UTP14A: variants seen among roughly 807,000 people sequenced by gnomAD.
UTP14A encodes the protein UTP14A small subunit processome component, also known as U3 small nucleolar RNA-associated protein 14 homolog A.
UTP14A carries 5 observed loss-of-function variants against 57.2 expected under a neutral mutation model. That is an observed-to-expected ratio of 0.09 (90% CI 0.05 to 0.18). UTP14A has a LOEUF of 0.18. Ranked by LOEUF, UTP14A falls within the 10% of genes least tolerant of loss-of-function variation. The probability of loss-of-function intolerance (pLI) is 1.00; values close to 1 mark genes in which losing one functional copy is unlikely to be tolerated. For synonymous variants in UTP14A, 169 were observed against 210.9 expected (o/e 0.80, Z 1.72); for missense variants, 430 against 562.1 (o/e 0.76, Z 2.38).
At chrX:129,928,537 C>T (rs998270424) in intron 14 of UTP14A, among the ~76,000 whole-genome samples, 1 of 110,008 alleles carries the variant, frequency 9.1e-6, no homozygotes, top group African/African-American at 3.3e-5. Flanking sequence ...GGGTGGATCA[C>T]GAGGTCAGGA....
chrX:129,928,676 C>T (rs962520139), intron 14 of UTP14A, among the ~76,000 whole-genome samples: 1 of 111,274 alleles, frequency 9.0e-6, no homozygotes, highest in African/African-American at 3.3e-5. Flanking sequence ...ATGGCGTGAA[C>T]CCAGGAGGCA....
intron 1 of UTP14A, among the ~76,000 whole-genome samples, chrX:129,906,569 G>A (rs952208326): frequency 9.0e-6 from 1 of 110,642 alleles, no homozygotes; most frequent in Admixed American, 9.7e-5. Context: ...AGGCAGTGCA[G>A]GCGTTATAAA....
At chrX:129,916,826 T>G (rs1307188737) in intron 6 of UTP14A, among the ~76,000 whole-genome samples, 1 of 111,732 alleles carries the variant, frequency 8.9e-6, no homozygotes, top group Admixed American at 9.6e-5. Context: ...GTGTCTGTGT[T>G]TTTTGCTTAT....
intron 14 of UTP14A, among the ~76,000 whole-genome samples, chrX:129,928,378 C>T (rs1930183311): frequency 1.4e-5 from 1 of 71,129 alleles, no homozygotes; most frequent in South Asian, 9.0e-4. Flanking sequence ...GAGCGAGACT[C>T]CATCTCAAAA....
intron 1 of UTP14A, 83 bp from the exon 2 acceptor site, chrX:129,907,283 CT>C: frequency 1.3e-6 from 1 of 759,070 alleles, no homozygotes; most frequent in Non-Finnish European, 1.9e-6. Flanking sequence ...TTAATTTCGA[CT>C]TTTATTATAA....
In UTP14A at chrX:129,924,808, G is replaced by A; in HGVS notation, c.1362G>A (p.Gln454=). The A allele has an allele frequency of 8.4e-7, 1 of 1,197,346 alleles. No homozygotes were observed. The highest frequency in any genetic ancestry group is 1.8e-5 in the African/African-American group (1 of 56,704). Residue 454 remains glutamine, a synonymous_variant, in exon 12 of 15, where the codon CAG becomes CAA. Transcript: ENST00000394422. The part of the protein sequence containing the change: ...GSQETKDSGS[Q]EVLSELRVLS... ...TTTTTCCCCCAGATTCTGGCAGCCA[G>A]GAGGTGCTGTCTGAATTGAGAGTAC...
At chrX:129,914,280 G>A (rs889480558) in intron 6 of UTP14A, among the ~76,000 whole-genome samples, 1 of 111,191 alleles carries the variant, frequency 9.0e-6, no homozygotes, top group African/African-American at 3.3e-5. Flanking sequence ...TCTAGAAACT[G>A]AATATCAAGT....
intron 6 of UTP14A, among the ~76,000 whole-genome samples, 178 bp from the exon 7 acceptor site, chrX:129,918,997 A>G (rs189475542): frequency 2.4e-3 from 271 of 112,109 alleles, no homozygotes; most frequent in Non-Finnish European, 3.0e-3. Flanking sequence ...GAATCAAATA[A>G]GGCTTTATTT....
intron 12 of UTP14A, 90 bp from the exon 13 acceptor site, chrX:129,925,829 C>T (rs1930084005): frequency 9.3e-6 from 10 of 1,076,149 alleles, no homozygotes; most frequent in African/African-American, 1.8e-5. Context: ...CCCTAGGGGG[C>T]GCTAAAATGT....
At position 129,929,723 on chromosome X, in the gene UTP14A, A is replaced by G; in HGVS notation, c.*115A>G. ...AGTACATTGCATGTAGTTAAGCCAC[A>G]TTTTAAAAATAAAGGCATTTTTTAA... On this transcript the variant is annotated 3_prime_UTR_variant, in exon 15 of 15. Transcript: ENST00000394422. The G allele has an allele frequency of 1.1e-6, 1 of 922,503 alleles. No individual in the cohort carries two copies. The highest frequency in any genetic ancestry group is 1.5e-6 in the Non-Finnish European group (1 of 675,055). The allele number at this position is 922,503 out of a possible 1,213,427, so 76.0% of individuals were successfully genotyped here. A position where few individuals can be genotyped will look rare whatever the true frequency, so the allele number is the denominator to read the frequency against.
rs1929447754 is a variant in UTP14A at position 129,911,060 on chromosome X, A to T, written c.291A>T (p.Ser97=). The part of the protein sequence containing the change: ...LADLLEPVKT[S]SSLATVKKQL... ...ATCTGCTTGAGCCTGTTAAAACTTC[A>T]TCTTCTTTGGCCACTGTGAAAAAGC... The change falls in exon 5 of 15, where the codon TCA becomes TCT. Residue 97 remains serine (S), a synonymous_variant. Transcript: ENST00000394422. 1 of 1,211,952 alleles carries T rather than the reference A, an allele frequency of 8.3e-7. No individual in the cohort carries two copies. The highest frequency in any genetic ancestry group is 1.1e-6 in the Non-Finnish European group (1 of 895,612).
intron 12 of UTP14A, among the ~76,000 whole-genome samples, chrX:129,925,659 G>A (rs1930076300): frequency 8.9e-6 from 1 of 112,193 alleles, no homozygotes; most frequent in Non-Finnish European, 1.9e-5. Flanking sequence ...CTGCTAACAC[G>A]GGCCATTCCT....
intron 6 of UTP14A, among the ~76,000 whole-genome samples, chrX:129,918,511 T>C (rs1224228044): frequency 1.8e-5 from 2 of 111,362 alleles, no homozygotes; most frequent in Non-Finnish European, 3.8e-5. Flanking sequence ...GTGCTTCAAA[T>C]GATACATAAC....
intron 11 of UTP14A, chrX:129,921,919 A>C (rs1830137536): frequency 5.3e-6 from 1 of 189,119 alleles, no homozygotes; most frequent in African/African-American, 3.0e-5. Context: ...CACACCAGGG[A>C]GAAGTACGTA....
intron 12 of UTP14A, 116 bp from the exon 13 acceptor site, chrX:129,925,803 A>G: frequency 1.1e-6 from 1 of 907,154 alleles, no homozygotes; most frequent in Non-Finnish European, 1.5e-6. Context: ...CAAGACCATC[A>G]TTGTTCAGCA....
At chrX:129,926,510 G>A (rs1930113953) in intron 14 of UTP14A, among the ~76,000 whole-genome samples, 171 bp downstream of exon 14, 1 of 111,916 alleles carries the variant, frequency 8.9e-6, no homozygotes, top group Non-Finnish European at 1.9e-5. Flanking sequence ...GATAGACTAC[G>A]CTGTTTTAAT....
intron 12 of UTP14A, 37 bp from the exon 13 acceptor site, chrX:129,925,882 A>G (rs1930086370): frequency 4.2e-6 from 5 of 1,199,397 alleles, no homozygotes; most frequent in African/African-American, 1.7e-5. Flanking sequence ...ACCACAGCTC[A>G]TAAGCCAAGC....
chrX:129,915,268 G>A (rs1929638930), intron 6 of UTP14A, among the ~76,000 whole-genome samples: 1 of 111,821 alleles, frequency 8.9e-6, no homozygotes, highest in South Asian at 3.7e-4. Context: ...GCTCACGCCT[G>A]TAATCCCAGC....
At chrX:129,918,229 T>TA (rs1295507668) in intron 6 of UTP14A, among the ~76,000 whole-genome samples, 1 of 108,409 alleles carries the variant, frequency 9.2e-6, no homozygotes, top group African/African-American at 3.4e-5. Context: ...CTACAAAAAA[T>TA]AAAAAAAGTT....
Sources: allele counts gnomAD v4.1 joint callset (sites outside exome capture counted in the v4.1 genomes callset), GRCh38; gene constraint gnomAD v4.1.1; transcripts MANE v1.5; gene names NCBI Gene and HGNC (gene_info 2026-07-23, HGNC 2026-07-21).